Variants in ZMAT4 observed in about 807,000 individuals in gnomAD.
ZMAT4 encodes the protein zinc finger matrin-type 4, also known as zinc finger matrin-type protein 4.
Under a neutral mutation model 28.7 loss-of-function variants are expected in ZMAT4, and 17 were observed. That is an observed-to-expected ratio of 0.59 (90% CI 0.41 to 0.89). The LOEUF (loss-of-function observed/expected upper bound fraction) is 0.89, where lower values mean the gene tolerates loss of function less well. Ranked by LOEUF, ZMAT4 falls within the 40% of genes least tolerant of loss-of-function variation. The probability of loss-of-function intolerance (pLI) is 0.00; values close to 1 mark genes in which losing one functional copy is unlikely to be tolerated. For missense variants in ZMAT4, 240 were observed against 283.8 expected (o/e 0.85, Z 1.11); for synonymous variants, 117 against 109.2 (o/e 1.07, Z -0.44).
chr8:40,783,604 T>A, intron 2 of ZMAT4, among the ~76,000 whole-genome samples: 1 of 152,126 alleles, frequency 6.6e-6, no homozygotes, highest in Middle Eastern at 3.4e-3. Context: ...TATTTAAAAA[T>A]TAAAGTTATA....
In ZMAT4 at chr8:40,890,780, A is replaced by G. The variant is rs144488867; in HGVS notation, c.-5+6903T>C. Among the ~76,000 whole-genome samples, 492 of 152,156 alleles carry G rather than the reference A, an allele frequency of 3.2e-3. 4 individuals are homozygous for G. Among genetic ancestry groups the G allele is most frequent in the Middle Eastern group, 0.01 (3 of 294 alleles). ...AAACATGCCTCGTATGGGCAGATTC[A>G]GCAACATCCACATCTCACTGACACA... On this transcript the variant is annotated intron_variant, in intron 1 of 6. Transcript: ENST00000297737.
At chr8:40,835,360 G>A (rs1448670986) in intron 1 of ZMAT4, among the ~76,000 whole-genome samples, 1 of 152,158 alleles carries the variant, frequency 6.6e-6, no homozygotes, top group African/African-American at 2.4e-5. Flanking sequence ...CACCCAGGCA[G>A]AAAAGCCACT....
chr8:40,780,538 A>G (rs1813786949), intron 2 of ZMAT4, among the ~76,000 whole-genome samples: 2 of 152,242 alleles, frequency 1.3e-5, no homozygotes, highest in Admixed American at 6.5e-5. Context: ...TCTTGTAGGC[A>G]ACGGGCACAA....
At chr8:40,605,979 A>G (rs774002120) in intron 5 of ZMAT4, among the ~76,000 whole-genome samples, 1 of 152,186 alleles carries the variant, frequency 6.6e-6, no homozygotes, top group Non-Finnish European at 1.5e-5. Flanking sequence ...TTTGTCTGAT[A>G]TAAGAATAAC....
chr8:40,544,093 G>C (rs1223121083), intron 6 of ZMAT4, among the ~76,000 whole-genome samples: 1 of 152,158 alleles, frequency 6.6e-6, no homozygotes, highest in Non-Finnish European at 1.5e-5. Flanking sequence ...GGCCAACTGA[G>C]TCTATTTTCA....
chr8:40,632,462 T>G (rs1806627380), intron 5 of ZMAT4, among the ~76,000 whole-genome samples: 3 of 152,298 alleles, frequency 2.0e-5, no homozygotes, highest in South Asian at 4.1e-4. Context: ...CCAGAGGATA[T>G]GTCCTTTCAG....
chr8:40,838,216 G>A (rs1436515272), intron 1 of ZMAT4, among the ~76,000 whole-genome samples: 1 of 152,210 alleles, frequency 6.6e-6, no homozygotes, highest in Non-Finnish European at 1.5e-5. Flanking sequence ...TAGCTGAGGT[G>A]AGCAGCAGTT....
At chr8:40,777,622 A>G (rs1467638348) in intron 2 of ZMAT4, among the ~76,000 whole-genome samples, 1 of 152,236 alleles carries the variant, frequency 6.6e-6, no homozygotes, top group Non-Finnish European at 1.5e-5. Flanking sequence ...GGCGGAGGGC[A>G]TGGCTGGATC....
chr8:40,665,848 T>A (rs1443806258), intron 5 of ZMAT4, among the ~76,000 whole-genome samples: 2 of 152,138 alleles, frequency 1.3e-5, no homozygotes, highest in Non-Finnish European at 2.9e-5. Flanking sequence ...TCAGAATCAT[T>A]CTCTGTAAAA....
At chr8:40,542,625 C>G (rs927969106) in intron 6 of ZMAT4, among the ~76,000 whole-genome samples, 1 of 152,106 alleles carries the variant, frequency 6.6e-6, no homozygotes, top group South Asian at 2.1e-4. Context: ...CTGGCCTCAA[C>G]TGATCCACCC....
intron 6 of ZMAT4, among the ~76,000 whole-genome samples, chr8:40,569,021 C>T (rs1804011181): frequency 6.6e-6 from 1 of 152,124 alleles, no homozygotes; most frequent in Admixed American, 6.6e-5. Context: ...GCCCCTAGGG[C>T]CTGTTTTAAT....
intron 5 of ZMAT4, among the ~76,000 whole-genome samples, chr8:40,629,552 GC>G (rs1563374691): frequency 7.1e-6 from 1 of 141,300 alleles, no homozygotes; most frequent in African/African-American, 2.7e-5. Context: ...GCTATCCCTC[GC>G]CCCTCCCCCC....
At chr8:40,838,524 T>A (rs891782753) in intron 1 of ZMAT4, among the ~76,000 whole-genome samples, 2 of 152,130 alleles carry the variant, frequency 1.3e-5, no homozygotes, top group African/African-American at 4.8e-5. Flanking sequence ...TTGATTTTTT[T>A]AAGATGGGGT....
intron 2 of ZMAT4, 125 bp from the exon 3 acceptor site, chr8:40,767,855 C>T (rs1318586078): frequency 2.8e-6 from 2 of 702,988 alleles, no homozygotes; most frequent in Non-Finnish European, 4.6e-6. Flanking sequence ...CTGCATACTC[C>T]TGTGAGGGAT....
chr8:40,611,012 G>A (rs943938080), intron 5 of ZMAT4, among the ~76,000 whole-genome samples: 1 of 151,364 alleles, frequency 6.6e-6, no homozygotes, highest in African/African-American at 2.4e-5. Flanking sequence ...AAAGACCCGA[G>A]TGGCATCTGC....
Position 40,761,674 on chromosome 8 carries a change from G to A in ZMAT4, c.192+5967C>T, listed in dbSNP as rs1285266672. On this transcript the variant is annotated intron_variant, in intron 3 of 6. Transcript: ENST00000297737. Reference sequence around the variant, plus strand: ...TTTTTCTGTGTCCTTTACAGCATGCGGCTCTGTACTCTGTACATAGTAGAA... The same window carrying A: ...TTTTTCTGTGTCCTTTACAGCATGCAGCTCTGTACTCTGTACATAGTAGAA... 7.2e-5 allele frequency among the ~76,000 whole-genome samples: 11 copies of A among 152,194 alleles called. 1 individual carries two copies. The highest frequency in any genetic ancestry group is 6.2e-4 in the South Asian group (3 of 4,816).
chr8:40,636,282 A>G (rs1452252330), intron 5 of ZMAT4, among the ~76,000 whole-genome samples: 2 of 152,220 alleles, frequency 1.3e-5, no homozygotes, highest in South Asian at 4.1e-4. Flanking sequence ...ATGGACTGCA[A>G]TTGAAAAACT....
chr8:40,890,762 C>T (rs535683756), intron 1 of ZMAT4, among the ~76,000 whole-genome samples: 1 of 152,232 alleles, frequency 6.6e-6, no homozygotes, highest in Admixed American at 6.5e-5. Flanking sequence ...CCAAAACATG[C>T]CTCGTATGGG....
At chr8:40,578,943 T>TAAGTCAG (rs1232067734) in intron 6 of ZMAT4, among the ~76,000 whole-genome samples, 1 of 152,238 alleles carries the variant, frequency 6.6e-6, no homozygotes, top group Non-Finnish European at 1.5e-5. Flanking sequence ...AGTGGAGACA[T>TAAGTCAG]AAGTCAGACA....
Sources: allele counts gnomAD v4.1 joint callset (sites outside exome capture counted in the v4.1 genomes callset), GRCh38; gene constraint gnomAD v4.1.1; transcripts MANE v1.5; gene names NCBI Gene and HGNC (gene_info 2026-07-23, HGNC 2026-07-21).